HERPUD2: variants seen among roughly 807,000 people sequenced by gnomAD.
The protein encoded by HERPUD2 is homocysteine-responsive endoplasmic reticulum-resident ubiquitin-like domain member 2 protein.
Under a neutral mutation model 49.9 loss-of-function variants are expected in HERPUD2, and 13 were observed. That is an observed-to-expected ratio of 0.26 (90% confidence interval 0.17 to 0.41). The LOEUF (loss-of-function observed/expected upper bound fraction) is 0.41. Among genes scored for constraint, HERPUD2 ranks in the 10% least tolerant of loss-of-function variants. The pLI is 1.00. For synonymous variants in HERPUD2, 172 were observed against 171.4 expected, an observed-to-expected ratio of 1.00 and a Z score of -0.03; for missense variants, 449 against 492.2, an observed-to-expected ratio of 0.91 and a Z score of 0.83.
At chr7:35,644,945 T>A (rs1387817489) in intron 5 of HERPUD2, among the ~76,000 whole-genome samples, 1 of 152,170 alleles carries the variant, frequency 6.6e-6, no homozygotes. Flanking sequence ...GGTATTGTGA[T>A]TAAGATTTTT....
At chr7:35,678,215 G>A (rs750607879) in intron 2 of HERPUD2, among the ~76,000 whole-genome samples, 2 of 150,718 alleles carry the variant, frequency 1.3e-5, no homozygotes, top group Admixed American at 1.3e-4. Context: ...GGTTAAAGTT[G>A]CAATGACTGT....
At chr7:35,639,748 T>C (rs933557487) in intron 5 of HERPUD2, among the ~76,000 whole-genome samples, 24 of 152,168 alleles carry the variant, frequency 1.6e-4, no homozygotes, top group African/African-American at 3.4e-4. Flanking sequence ...TAATAATTGA[T>C]TATAGAAACC....
At chr7:35,678,285 C>A (rs1330309478) in intron 2 of HERPUD2, among the ~76,000 whole-genome samples, 1 of 150,768 alleles carries the variant, frequency 6.6e-6, no homozygotes, top group Non-Finnish European at 1.5e-5. Flanking sequence ...ACTTTCAAGT[C>A]TCAGTTTTTT....
chr7:35,651,199 G>A (rs1345625602), intron 5 of HERPUD2, among the ~76,000 whole-genome samples: 1 of 152,138 alleles, frequency 6.6e-6, no homozygotes, highest in African/African-American at 2.4e-5. Flanking sequence ...CTGCCTAGGG[G>A]CCCGATGACA....
chr7:35,665,715 C>A (rs555313254), intron 5 of HERPUD2, among the ~76,000 whole-genome samples: 1 of 152,354 alleles, frequency 6.6e-6, no homozygotes, highest in Non-Finnish European at 1.5e-5. Context: ...GGAGCTGTTC[C>A]TATTCGGCCA....
chr7:35,652,860 A>G (rs1466312298), intron 5 of HERPUD2, among the ~76,000 whole-genome samples: 1 of 152,150 alleles, frequency 6.6e-6, no homozygotes, highest in East Asian at 1.9e-4. Flanking sequence ...CCGGCCCTCC[A>G]AGAAATAATT....
intron 2 of HERPUD2, among the ~76,000 whole-genome samples, chr7:35,673,516 T>G (rs1219784793): frequency 1.3e-5 from 2 of 152,138 alleles, no homozygotes; most frequent in Non-Finnish European, 2.9e-5. Context: ...AATTAATACA[T>G]TTAAAAACCT....
intron 8 of HERPUD2, among the ~76,000 whole-genome samples, 182 bp from the exon 9 acceptor site, chr7:35,634,033 T>C (rs1444556054): frequency 1.3e-5 from 2 of 152,200 alleles, no homozygotes; most frequent in African/African-American, 4.8e-5. Flanking sequence ...CAACTGCCAA[T>C]GCAATACAAT....
At position 35,677,607 on chromosome 7, in the gene HERPUD2, G is replaced by A. The variant is rs540997157; in HGVS notation, c.148-4329C>T. Among the ~76,000 whole-genome samples the A allele has an allele frequency of 2.6e-5, 4 of 152,306 alleles. No homozygotes were observed. The East Asian group carries it at 7.7e-4, about 29-fold the overall frequency. The stretch of plus-strand genomic sequence containing the variant: ...CTTATAAACAGTTTTGCACTTAAAG[G>A]AAGAAATAGGACAATAGCTAGAACG... On this transcript the variant is annotated intron_variant, in intron 2 of 8. Transcript: ENST00000311350.
chr7:35,692,087 G>C (rs1302761817), intron 2 of HERPUD2, among the ~76,000 whole-genome samples: 1 of 152,250 alleles, frequency 6.6e-6, no homozygotes, highest in Non-Finnish European at 1.5e-5. Context: ...AGGCTGCATA[G>C]TATTTGGTTT....
intron 2 of HERPUD2, among the ~76,000 whole-genome samples, chr7:35,689,510 T>C (rs1219727146): frequency 6.6e-6 from 1 of 152,190 alleles, no homozygotes; most frequent in African/African-American, 2.4e-5. Context: ...CTAAGAGAGA[T>C]AAAATTTCAA....
intron 5 of HERPUD2, among the ~76,000 whole-genome samples, chr7:35,642,761 C>T (rs1784986149): frequency 6.6e-6 from 1 of 152,088 alleles, no homozygotes; most frequent in Admixed American, 6.5e-5. Context: ...ATGATGAGAA[C>T]ACATGGACAC....
At chr7:35,635,481 T>C (rs751173240) in intron 6 of HERPUD2, 23 bp from the exon 7 acceptor site, 24 of 1,561,996 alleles carry the variant, frequency 1.5e-5, no homozygotes, top group Non-Finnish European at 2.0e-5. Flanking sequence ...CCAAAATAAA[T>C]ATTAAAAAGA....
At position 35,633,660 on chromosome 7, in the gene HERPUD2, C is replaced by A. The variant is rs1784822094; in HGVS notation, c.*30G>T. 2 of 1,598,114 alleles carry A rather than the reference C, an allele frequency of 1.3e-6. No individual in the cohort carries two copies. Among genetic ancestry groups the A allele is most frequent in the Non-Finnish European group, 1.7e-6 (2 of 1,173,198 alleles). On this transcript the variant is annotated 3_prime_UTR_variant, in exon 9 of 9. Transcript: ENST00000311350. ...TTTAAACCACTTTCCTGAAGTCAGA[C>A]CCTCCTTGTAGCTGGCACAGTTTTT...
At chr7:35,692,562 C>T (rs543640889) in intron 2 of HERPUD2, among the ~76,000 whole-genome samples, 1 of 152,116 alleles carries the variant, frequency 6.6e-6, no homozygotes, top group African/African-American at 2.4e-5. Context: ...ATTCTTACTC[C>T]CTGTGTAAAT....
At chr7:35,638,267 C>A (rs1196506574) in intron 6 of HERPUD2, 83 bp downstream of exon 6, 2 of 1,333,910 alleles carry the variant, frequency 1.5e-6, no homozygotes, top group Non-Finnish European at 1.0e-6. Flanking sequence ...AAATGAAATG[C>A]CAAATCAACT....
intron 5 of HERPUD2, among the ~76,000 whole-genome samples, chr7:35,640,861 G>A (rs549370966): frequency 6.6e-6 from 1 of 152,258 alleles, no homozygotes; most frequent in South Asian, 2.1e-4. Context: ...GATCAAATCT[G>A]TGGGGAAAAG....
chr7:35,638,467 A>T lies in HERPUD2; in HGVS notation c.500T>A (p.Val167Glu). ...HQFPYVMQGNVDNQFPGQAAP... is the reference protein window; with the variant it reads ...HQFPYVMQGNEDNQFPGQAAP... ...AGCTTGCCCAGGAAATTGGTTGTCT[A>T]CATTTCTGCAAGAAATAAATAATGA... is the stretch of plus-strand genomic sequence containing the variant. Residue 167 changes from valine to glutamate, a missense_variant, in exon 6 of 9, where the codon GTA becomes GAA. By Grantham distance (121) the Val-to-Glu change is moderately radical. Transcript: ENST00000311350. 6.2e-7 allele frequency: 1 copy of T among 1,612,340 alleles called. No homozygotes were observed. The highest frequency in any genetic ancestry group is 8.5e-7 in the Non-Finnish European group (1 of 1,179,018).
In HERPUD2 at chr7:35,638,407, C is replaced by A; in HGVS notation, c.560G>T (p.Ser187Ile). 6.2e-7 allele frequency: 1 copy of A among 1,613,612 alleles called. No individual in the cohort carries two copies. The highest frequency in any genetic ancestry group is 1.1e-5 in the South Asian group (1 of 91,012). Residue 187 changes from serine (S) to isoleucine (I), a missense_variant, in exon 6 of 9, where the codon AGC becomes ATC. Transcript: ENST00000311350. ...TTGCCACCATAGCATCTGCAGTGGG[C>A]TAAACGCGGGATACACTGGGAATCC... Reference protein sequence around the residue: ...PPGFPVYPAFSPLQMLWWQQM... With the variant: ...PPGFPVYPAFIPLQMLWWQQM...
Sources: allele counts gnomAD v4.1 joint callset (sites outside exome capture counted in the v4.1 genomes callset), GRCh38; gene constraint gnomAD v4.1.1; transcripts MANE v1.5; gene names NCBI Gene and HGNC (gene_info 2026-07-23, HGNC 2026-07-21).